The following RERE variants were observed in gnomAD, a reference collection of about 807,000 sequenced individuals.
RERE encodes the protein arginine-glutamic acid dipeptide repeats.
RERE carries 40 observed loss-of-function variants against 146.1 expected under a neutral mutation model. The ratio of observed to expected loss-of-function variants is 0.27; its 90% CI spans 0.21 to 0.36. The LOEUF (loss-of-function observed/expected upper bound fraction) is 0.36, where lower values mean the gene tolerates loss of function less well. Among genes scored for constraint, RERE ranks in the 10% least tolerant of loss-of-function variants. RERE has a pLI of 1.00. For synonymous variants in RERE, 1,003 were observed against 866.0 expected, an observed-to-expected ratio of 1.16 and a Z score of -2.78; for missense variants, 1,933 against 2,138.7, an observed-to-expected ratio of 0.90 and a Z score of 1.90.
At chr1:8,629,399 T>C (rs1647009573) in intron 2 of RERE, among the ~76,000 whole-genome samples, 1 of 152,294 alleles carries the variant, frequency 6.6e-6, no homozygotes, top group Admixed American at 6.5e-5. Context: ...CATAGCTTCA[T>C]GTCCAAAGAT....
At chr1:8,479,299 ATTT>A (rs535214061) in intron 10 of RERE, among the ~76,000 whole-genome samples, 3 of 151,388 alleles carry the variant, frequency 2.0e-5, no homozygotes, top group African/African-American at 7.3e-5. Context: ...TATTTTTTAA[ATTT>A]TTTTTAAATT....
intron 1 of RERE, among the ~76,000 whole-genome samples, chr1:8,737,500 A>G (rs1051946050): frequency 6.6e-6 from 1 of 152,200 alleles, no homozygotes. Flanking sequence ...CCGTTGTCGA[A>G]CCTTTGAAAA....
intron 4 of RERE, among the ~76,000 whole-genome samples, chr1:8,609,209 C>A (rs951045549): frequency 1.3e-5 from 2 of 151,330 alleles, no homozygotes; most frequent in Non-Finnish European, 2.9e-5. Context: ...AAGAGCAAGA[C>A]CCTGTCTCCC....
chr1:8,715,164 G>A (rs561284396), intron 1 of RERE, among the ~76,000 whole-genome samples: 6 of 148,134 alleles, frequency 4.1e-5, no homozygotes, highest in African/African-American at 1.5e-4. Context: ...GAGCCACCAC[G>A]CCCAGCCCAC....
intron 12 of RERE, among the ~76,000 whole-genome samples, chr1:8,418,658 T>C (rs1643843151): frequency 1.3e-5 from 2 of 152,234 alleles, no homozygotes; most frequent in Non-Finnish European, 2.9e-5. Flanking sequence ...AGAAGAGATA[T>C]GTCACCACTG....
intron 10 of RERE, among the ~76,000 whole-genome samples, chr1:8,481,892 A>G (rs753883764): frequency 6.6e-6 from 1 of 152,242 alleles, no homozygotes; most frequent in Non-Finnish European, 1.5e-5. Flanking sequence ...AGCTTTTAGG[A>G]TAACTGAGGG....
At chr1:8,513,940 G>T (rs1439935610) in intron 7 of RERE, among the ~76,000 whole-genome samples, 1 of 152,196 alleles carries the variant, frequency 6.6e-6, no homozygotes, top group Non-Finnish European at 1.5e-5. Flanking sequence ...CTACTCAGAT[G>T]TGATTTTGTA....
intron 4 of RERE, among the ~76,000 whole-genome samples, chr1:8,613,949 G>A (rs1356271477): frequency 6.6e-6 from 1 of 152,076 alleles, no homozygotes; most frequent in Admixed American, 6.5e-5. Flanking sequence ...TGTTTTAAGG[G>A]ATAAAGCACT....
Position 8,361,146 on chromosome 1 carries a change from C to T in RERE, c.2361G>A (p.Gln787=). The part of the protein sequence containing the change: ...GSPTASQAPN[Q]PQAPTAPVPH... ...GAACAGGCGCTGTGGGAGCCTGTGGCTGGTTAGGGGCCTGGGAGGCCGTGG... is the reference window on the plus strand; with the variant it reads ...GAACAGGCGCTGTGGGAGCCTGTGGTTGGTTAGGGGCCTGGGAGGCCGTGG... Residue 787 remains glutamine, a synonymous_variant, in exon 18 of 23, where the codon CAG becomes CAA. Coordinates refer to ENST00000400908, the MANE Select transcript of RERE (RefSeq NM_001042681.2). 1 of 1,444,996 alleles carries T rather than the reference C, an allele frequency of 6.9e-7. No homozygotes were observed. The highest frequency in any genetic ancestry group is 9.1e-7 in the Non-Finnish European group (1 of 1,104,018). 89.5% of individuals were successfully genotyped at this position (1,444,996 alleles called of 1,614,324 possible).
intron 1 of RERE, among the ~76,000 whole-genome samples, chr1:8,778,596 G>A (rs1641109999): frequency 6.6e-6 from 1 of 152,130 alleles, no homozygotes; most frequent in Admixed American, 6.6e-5. Context: ...CAGCTCTTCG[G>A]GAAGCCGAGG....
chr1:8,373,524 A>G (rs536552235), intron 12 of RERE, among the ~76,000 whole-genome samples: 2 of 152,298 alleles, frequency 1.3e-5, no homozygotes, highest in African/African-American at 4.8e-5. Context: ...TGTAGGGCAG[A>G]GAGGGAGAAA....
At chr1:8,647,196 A>C (rs1278708961) in intron 2 of RERE, among the ~76,000 whole-genome samples, 1 of 152,204 alleles carries the variant, frequency 6.6e-6, no homozygotes, top group African/African-American at 2.4e-5. Flanking sequence ...TTATACAGCC[A>C]CAGCATCCCT....
At chr1:8,730,141 T>A (rs1244200466) in intron 1 of RERE, among the ~76,000 whole-genome samples, 1 of 152,152 alleles carries the variant, frequency 6.6e-6, no homozygotes, top group African/African-American at 2.4e-5. Flanking sequence ...CTGAAATCAG[T>A]GAACCATCAA....
At position 8,652,276 on chromosome 1, in the gene RERE, T is replaced by C. The variant is rs573776288; in HGVS notation, c.325+3697A>G. Among the ~76,000 whole-genome samples the C allele has an allele frequency of 5.9e-5, 9 of 152,366 alleles. No homozygotes were observed. In the South Asian group the frequency reaches 1.7e-3, roughly 28 times the overall value. Reference sequence around the variant, plus strand: ...TCTTCCAAACCATGTGTGGCCTTTATAGATCCTTCATAATACACTTAGCTT... The same window carrying C: ...TCTTCCAAACCATGTGTGGCCTTTACAGATCCTTCATAATACACTTAGCTT... On this transcript the variant is annotated intron_variant, in intron 2 of 22. Transcript: ENST00000400908.
At chr1:8,528,626 C>T (rs1394124786) in intron 7 of RERE, among the ~76,000 whole-genome samples, 1 of 152,126 alleles carries the variant, frequency 6.6e-6, no homozygotes, top group African/African-American at 2.4e-5. Flanking sequence ...ACTTTCTGAG[C>T]ACCAACATGA....
Position 8,738,454 on chromosome 1 carries a change from G to A in RERE, c.-145+78706C>T, listed in dbSNP as rs976612166. 4.6e-5 allele frequency among the ~76,000 whole-genome samples: 7 copies of A among 151,846 alleles called. No individual in the cohort carries two copies. In the South Asian group the frequency reaches 1.0e-3, roughly 23 times the overall value. ...TCCTGCCTCAGCCTCCCAAAGTGCT[G>A]GGATTACAGGCATGAGCCACCACAC... On this transcript the variant is annotated intron_variant, in intron 1 of 22. Transcript: ENST00000400908.
At chr1:8,736,851 GAAAAAAAAA>G (rs34872965) in intron 1 of RERE, among the ~76,000 whole-genome samples, 1 of 99,796 alleles carries the variant, frequency 1.0e-5, no homozygotes, top group Non-Finnish European at 2.0e-5. Context: ...AAGCAAGGGG[GAAAAAAAAA>G]AAAAAAAAAA....
chr1:8,641,798 C>T (rs546668885), intron 2 of RERE, among the ~76,000 whole-genome samples: 1 of 152,272 alleles, frequency 6.6e-6, no homozygotes, highest in South Asian at 2.1e-4. Flanking sequence ...CATGGCGACA[C>T]CTTAAGTAAT....
Position 8,473,036 on chromosome 1 carries a change from C to A in RERE, c.1105-7013G>T, listed in dbSNP as rs1474543467. The stretch of plus-strand genomic sequence containing the variant: ...GAATCTGATAACAAAACACTGATTT[C>A]TTGAACAATCCACCAGCCTTTCAAG... On this transcript the variant is annotated intron_variant, in intron 10 of 22. Coordinates refer to ENST00000400908, the MANE Select transcript of RERE (RefSeq NM_001042681.2). Among the ~76,000 whole-genome samples, 3 of 152,156 alleles carry A rather than the reference C, an allele frequency of 2.0e-5. No homozygotes were observed. The East Asian group carries it at 5.8e-4, about 29-fold the overall frequency.
Sources: gnomAD v4.1 joint callset for allele counts (sites outside exome capture counted in the v4.1 genomes callset) on GRCh38, gnomAD v4.1.1 for gene constraint, MANE v1.5 for transcripts, NCBI Gene and HGNC (gene_info 2026-07-23, HGNC 2026-07-21) for gene names.